GPC6: variants seen among roughly 807,000 people sequenced by gnomAD.
GPC6 encodes the protein glypican 6, also known as glypican-6.
A neutral mutation model predicts 55.2 loss-of-function variants in GPC6; 14 were observed. The observed-to-expected ratio is 0.25, with a 90% CI of 0.17 to 0.40. The LOEUF (loss-of-function observed/expected upper bound fraction) is 0.40. Among genes scored for constraint, GPC6 ranks in the 10% least tolerant of loss-of-function variants. The pLI is 1.00. For missense variants in GPC6, 641 were observed against 708.5 expected (o/e 0.90, Z 1.08); for synonymous variants, 278 against 259.6 (o/e 1.07, Z -0.68).
At chr13:93,778,129 A>G (rs1885525869) in intron 2 of GPC6, among the ~76,000 whole-genome samples, 1 of 152,142 alleles carries the variant, frequency 6.6e-6, no homozygotes, top group South Asian at 2.1e-4. Flanking sequence ...TCCCTGCTAA[A>G]TCTGTTAACC....
chr13:94,229,346 G>T (rs1890651268), intron 4 of GPC6, among the ~76,000 whole-genome samples: 1 of 152,156 alleles, frequency 6.6e-6, no homozygotes, highest in South Asian at 2.1e-4. Flanking sequence ...ACACCTTGGA[G>T]GGCCTGGTTA....
intron 4 of GPC6, among the ~76,000 whole-genome samples, chr13:94,057,019 T>C (rs1001539426): frequency 5.3e-5 from 8 of 152,234 alleles, no homozygotes; most frequent in Admixed American, 3.3e-4. Context: ...ATCCATGGCA[T>C]GGTTTATTGA....
chr13:93,535,701 AC>A (rs751534074), intron 1 of GPC6, among the ~76,000 whole-genome samples: 1,678 of 150,190 alleles, frequency 0.011, 33 homozygotes, highest in African/African-American at 0.037. Context: ...AAAAAAAAAA[AC>A]CAAGCAGAAC....
At chr13:93,744,169 C>T (rs572314538) in intron 2 of GPC6, among the ~76,000 whole-genome samples, 2 of 152,230 alleles carry the variant, frequency 1.3e-5, no homozygotes, top group South Asian at 2.1e-4. Flanking sequence ...CCTCTCCCGG[C>T]GGTTAACATT....
At position 93,921,562 on chromosome 13, in the gene GPC6, C is replaced by T. The variant is rs143083499; in HGVS notation, c.711+91017C>T. On this transcript the variant is annotated intron_variant, in intron 3 of 8. Coordinates refer to ENST00000377047, the MANE Select transcript of GPC6 (RefSeq NM_005708.5). ...CCCTGGATTTCAGCCATCCTGTGGC[C>T]GATCTCTCTGAACTTCCCCAGCCGA... Among the ~76,000 whole-genome samples, 963 of 151,964 alleles carry T rather than the reference C, an allele frequency of 6.3e-3. 5 individuals carry two copies. The highest frequency in any genetic ancestry group is 0.01 in the Non-Finnish European group (702 of 67,980).
intron 1 of GPC6, among the ~76,000 whole-genome samples, chr13:93,323,999 T>C (rs1421030036): frequency 6.6e-6 from 1 of 152,164 alleles, no homozygotes; most frequent in African/African-American, 2.4e-5. Flanking sequence ...CAACCATGTT[T>C]GTTACAGCCC....
intron 6 of GPC6, among the ~76,000 whole-genome samples, chr13:94,348,107 G>A (rs536184247): frequency 2.0e-5 from 3 of 152,268 alleles, no homozygotes; most frequent in African/African-American, 4.8e-5. Context: ...TCCCCTGCCC[G>A]ACTGGTTGGT....
At chr13:94,113,149 T>C (rs887917791) in intron 4 of GPC6, among the ~76,000 whole-genome samples, 3 of 152,176 alleles carry the variant, frequency 2.0e-5, no homozygotes, top group African/African-American at 7.2e-5. Context: ...ACCATTCTGA[T>C]GGAGCAGGTC....
rs149334374 is a variant in GPC6, at chr13:94,221,243, C to T, written c.878-65106C>T. ...GAGTGGGATCATATAATATTCACCA[C>T]TTAAATGGTCCTGACTTTGTGTAAA... On this transcript the variant is annotated intron_variant, in intron 4 of 8. Transcript: ENST00000377047. 7.2e-3 allele frequency among the ~76,000 whole-genome samples: 1,090 copies of T among 152,236 alleles called. 12 individuals carry two copies. Among genetic ancestry groups the T allele is most frequent in the Non-Finnish European group, 0.011 (756 of 68,012 alleles).
chr13:93,858,171 G>T (rs554747581), intron 3 of GPC6, among the ~76,000 whole-genome samples: 1 of 151,668 alleles, frequency 6.6e-6, no homozygotes, highest in East Asian at 2.0e-4. Context: ...AGTGCTGAAA[G>T]TGCTTCTTAT....
At chr13:93,306,177 G>A (rs1878849898) in intron 1 of GPC6, among the ~76,000 whole-genome samples, 1 of 152,128 alleles carries the variant, frequency 6.6e-6, no homozygotes, top group Non-Finnish European at 1.5e-5. Context: ...CAAAGTGGAA[G>A]CAGAATATCA....
rs531174214 is a variant in GPC6 at position 93,509,991 on chromosome 13, A to G, written c.161-35272A>G. On this transcript the variant is annotated intron_variant, in intron 1 of 8. Transcript: ENST00000377047. ...AATTGAATTTCTTTCATGAGAAGGT[A>G]ATTTATACTTTAAGGCATATTTTTG... is the stretch of plus-strand genomic sequence containing the variant. Among the ~76,000 whole-genome samples the G allele has an allele frequency of 1.1e-3, 165 of 152,250 alleles. 2 individuals carry two copies. Among genetic ancestry groups the G allele is most frequent in the Non-Finnish European group, 2.2e-3 (148 of 68,006 alleles).
At chr13:93,500,941 C>T (rs2590509) in intron 1 of GPC6, among the ~76,000 whole-genome samples, 16,734 of 152,130 alleles carry the variant, frequency 0.11, 1,361 homozygotes, top group East Asian at 0.47. Flanking sequence ...TGGCAATGAC[C>T]TCAGTCTAGG....
At chr13:93,648,518 A>G (rs1249586700) in intron 2 of GPC6, among the ~76,000 whole-genome samples, 1 of 152,168 alleles carries the variant, frequency 6.6e-6, no homozygotes, top group Non-Finnish European at 1.5e-5. Context: ...TATTATCTTT[A>G]TCCTTGAGCC....
chr13:93,362,034 G>C (rs535896548), intron 1 of GPC6, among the ~76,000 whole-genome samples: 7 of 152,314 alleles, frequency 4.6e-5, no homozygotes, highest in African/African-American at 1.7e-4. Context: ...ACTGTGTTTT[G>C]TAATAAATAA....
intron 1 of GPC6, among the ~76,000 whole-genome samples, chr13:93,538,235 T>C (rs901728632): frequency 2.6e-5 from 4 of 152,176 alleles, no homozygotes; most frequent in Non-Finnish European, 5.9e-5. Context: ...TTCTAAGTAG[T>C]AGTAGATAAA....
At chr13:93,548,578 G>T (rs1377027893) in intron 2 of GPC6, among the ~76,000 whole-genome samples, 2 of 152,020 alleles carry the variant, frequency 1.3e-5, no homozygotes, top group Admixed American at 1.3e-4. Flanking sequence ...TCTATTTATT[G>T]TCTTACTTTC....
chr13:94,261,286 A>G (rs774657792), intron 4 of GPC6, among the ~76,000 whole-genome samples: 1 of 152,138 alleles, frequency 6.6e-6, no homozygotes, highest in Non-Finnish European at 1.5e-5. Flanking sequence ...AAAATGCAAT[A>G]ATAATAAGGA....
chr13:93,833,107 T>TAGAGAGAGAGAGAGAG (rs367949345), intron 3 of GPC6, among the ~76,000 whole-genome samples: 7 of 108,984 alleles, frequency 6.4e-5, no homozygotes, highest in South Asian at 3.1e-4. Flanking sequence ...AGGTAGATGA[T>TAGAGAGAGAGAGAGAG]AGAGAGAGAG....
Sources: allele counts gnomAD v4.1 joint callset (sites outside exome capture counted in the v4.1 genomes callset), GRCh38; gene constraint gnomAD v4.1.1; transcripts MANE v1.5; gene names NCBI Gene and HGNC (gene_info 2026-07-23, HGNC 2026-07-21).